RALGPS1: variants seen among roughly 807,000 people sequenced by gnomAD.
RALGPS1 encodes the protein Ral GEF with PH domain and SH3 binding motif 1.
RALGPS1 carries 19 observed loss-of-function variants against 78.8 expected under a neutral mutation model. That is an observed-to-expected ratio of 0.24 (90% CI 0.17 to 0.35). The LOEUF (loss-of-function observed/expected upper bound fraction) is 0.35. Among genes scored for constraint, RALGPS1 ranks in the 10% least tolerant of loss-of-function variants. The probability of loss-of-function intolerance (pLI) is 1.00; values close to 1 mark genes in which losing one functional copy is unlikely to be tolerated. For missense variants in RALGPS1, 454 were observed against 688.3 expected, an observed-to-expected ratio of 0.66 and a Z score of 3.81; for synonymous variants, 228 against 256.3, an observed-to-expected ratio of 0.89 and a Z score of 1.06.
chr9:127,023,473 T>G (rs924309325), intron 4 of RALGPS1, among the ~76,000 whole-genome samples: 11 of 152,200 alleles, frequency 7.2e-5, no homozygotes, highest in African/African-American at 2.7e-4. Flanking sequence ...CCTTGCTTCC[T>G]TGTTCTTTTT....
intron 4 of RALGPS1, among the ~76,000 whole-genome samples, chr9:126,991,246 A>G (rs977452402): frequency 1.3e-5 from 2 of 152,206 alleles, no homozygotes; most frequent in African/African-American, 2.4e-5. Context: ...AGATAAGAGT[A>G]GGGGCTGGAG....
At chr9:127,064,038 T>G (rs959142293) in intron 7 of RALGPS1, among the ~76,000 whole-genome samples, 1 of 152,186 alleles carries the variant, frequency 6.6e-6, no homozygotes, top group Non-Finnish European at 1.5e-5. Context: ...GTCCATAATT[T>G]GTTGAGGGAG....
intron 8 of RALGPS1, among the ~76,000 whole-genome samples, chr9:127,160,375 C>A (rs2139410728): frequency 1.3e-5 from 2 of 152,336 alleles, no homozygotes; most frequent in South Asian, 4.1e-4. Context: ...TTGAGGCCAG[C>A]CCAGCTGCGG....
intron 18 of RALGPS1, among the ~76,000 whole-genome samples, chr9:127,215,313 T>C (rs1180216546): frequency 6.6e-6 from 1 of 152,206 alleles, no homozygotes; most frequent in Non-Finnish European, 1.5e-5. Context: ...GGTCCCTAGC[T>C]TCTCAGTGTG....
rs140197454 is a variant in RALGPS1 at position 126,969,944 on chromosome 9, T to C, written c.165+3993T>C. ...TACATGTGAAACCAGGTCTCTGGAG[T>C]CTTTGGCCTCTGGGAAAGCACTGGA... On this transcript the variant is annotated intron_variant, in intron 3 of 18. Coordinates refer to ENST00000259351, the MANE Select transcript of RALGPS1 (RefSeq NM_014636.3). Among the ~76,000 whole-genome samples, 860 of 152,102 alleles carry C rather than the reference T, an allele frequency of 5.7e-3. 28 individuals are homozygous for C. The East Asian group carries it at 0.082, about 14-fold the overall frequency.
At chr9:127,082,712 A>G (rs1317998920) in intron 8 of RALGPS1, among the ~76,000 whole-genome samples, 1 of 152,176 alleles carries the variant, frequency 6.6e-6, no homozygotes, top group Non-Finnish European at 1.5e-5. Context: ...GTTTTCTGTT[A>G]CGTTGAAGAG....
chr9:126,958,135 A>AT (rs2038510950), intron 1 of RALGPS1, among the ~76,000 whole-genome samples: 5 of 98,264 alleles, frequency 5.1e-5, no homozygotes, highest in African/African-American at 1.5e-4. Context: ...TTAAAAAAAA[A>AT]AAAAAAAATA....
rs191677215 is a variant in RALGPS1 at position 127,033,269 on chromosome 9, T to C, written c.217-1162T>C. Reference sequence around the variant, plus strand: ...GTTCCTAAGTCCAGGGCATTCATCTTGTGACCAGGAGCTGCTGTTGCCTTT... The same window carrying C: ...GTTCCTAAGTCCAGGGCATTCATCTCGTGACCAGGAGCTGCTGTTGCCTTT... On this transcript the variant is annotated intron_variant, in intron 4 of 18. Coordinates refer to ENST00000259351, the MANE Select transcript of RALGPS1 (RefSeq NM_014636.3). Among the ~76,000 whole-genome samples, 33 of 152,318 alleles carry C rather than the reference T, an allele frequency of 2.2e-4. 1 individual carries two copies. Among genetic ancestry groups the C allele is most frequent in the Admixed American group, 1.3e-3 (20 of 15,302 alleles).
chr9:127,004,812 G>A (rs1023160340), intron 4 of RALGPS1, among the ~76,000 whole-genome samples: 15 of 152,202 alleles, frequency 9.9e-5, no homozygotes, highest in African/African-American at 3.6e-4. Flanking sequence ...ATCTGCAAAG[G>A]AGAAGGAGCA....
chr9:127,167,858 G>C (rs2059372032), intron 9 of RALGPS1, among the ~76,000 whole-genome samples: 1 of 152,284 alleles, frequency 6.6e-6, no homozygotes, highest in South Asian at 2.1e-4. Flanking sequence ...GTCCCACCCA[G>C]TGGCCCTCTC....
chr9:127,156,208 T>C (rs2058700996), intron 8 of RALGPS1, among the ~76,000 whole-genome samples: 1 of 152,246 alleles, frequency 6.6e-6, no homozygotes, highest in African/African-American at 2.4e-5. Flanking sequence ...ATGTGTTTTT[T>C]GTATAATTAT....
chr9:127,183,799 G>A lies in RALGPS1; in HGVS notation c.910+9017G>A. The A allele has an allele frequency of 1.4e-6, 2 of 1,386,392 alleles. No homozygotes were observed. The highest frequency in any genetic ancestry group is 1.9e-6 in the Non-Finnish European group (2 of 1,027,970). 85.9% of individuals were successfully genotyped at this position (1,386,392 alleles called of 1,614,324 possible). A position where few individuals can be genotyped will look rare whatever the true frequency, so the allele number is the denominator to read the frequency against. On this transcript the variant is annotated intron_variant, in intron 11 of 18. Transcript: ENST00000259351. The surrounding 1 kb of genome is among the most constrained non-coding windows in gnomAD (Gnocchi z 4.0). Reference sequence around the variant, plus strand: ...GATGGGTGGGAGGGGCCCTCCATGAGGACCTCAGGGATAGGAGGCCAGTTG... The same window carrying A: ...GATGGGTGGGAGGGGCCCTCCATGAAGACCTCAGGGATAGGAGGCCAGTTG...
intron 7 of RALGPS1, among the ~76,000 whole-genome samples, chr9:127,068,151 G>T (rs1488763581): frequency 6.6e-6 from 1 of 152,176 alleles, no homozygotes; most frequent in Non-Finnish European, 1.5e-5. Context: ...TAACTAAGTT[G>T]CCCCTTCGAT....
chr9:127,035,055 C>T (rs575134871), intron 5 of RALGPS1, among the ~76,000 whole-genome samples: 1 of 152,250 alleles, frequency 6.6e-6, no homozygotes, highest in African/African-American at 2.4e-5. Flanking sequence ...CCCTGTGATC[C>T]TTTACTAATT....
intron 1 of RALGPS1, among the ~76,000 whole-genome samples, chr9:126,939,425 A>G (rs1322138630): frequency 6.6e-6 from 1 of 152,184 alleles, no homozygotes; most frequent in African/African-American, 2.4e-5. Context: ...ATCCCATGCC[A>G]GGCACTGTGA....
At chr9:127,022,668 G>A (rs2045575899) in intron 4 of RALGPS1, among the ~76,000 whole-genome samples, 2 of 151,934 alleles carry the variant, frequency 1.3e-5, no homozygotes. Flanking sequence ...ATATCTCATG[G>A]TGTTCCTGAA....
At chr9:127,181,270 A>G (rs1168619360) in intron 11 of RALGPS1, among the ~76,000 whole-genome samples, 1 of 152,234 alleles carries the variant, frequency 6.6e-6, no homozygotes, top group Non-Finnish European at 1.5e-5. Flanking sequence ...CAGTCATAGC[A>G]GCTAAGCTGC....
intron 4 of RALGPS1, among the ~76,000 whole-genome samples, chr9:126,998,241 G>A (rs1351908746): frequency 6.6e-5 from 10 of 152,122 alleles, no homozygotes; most frequent in Non-Finnish European, 1.5e-4. Flanking sequence ...GCAACCTACA[G>A]AATGGGAGAA....
intron 8 of RALGPS1, among the ~76,000 whole-genome samples, chr9:127,094,705 C>T (rs969433782): frequency 6.6e-6 from 1 of 152,224 alleles, no homozygotes; most frequent in African/African-American, 2.4e-5. Flanking sequence ...GCTTGGCACT[C>T]ACGCATTCTG....
Sources: allele counts gnomAD v4.1 joint callset (sites outside exome capture counted in the v4.1 genomes callset), GRCh38; gene constraint gnomAD v4.1.1; non-coding constraint Gnocchi (gnomAD v3.1); transcripts MANE v1.5; gene names NCBI Gene and HGNC (gene_info 2026-07-23, HGNC 2026-07-21).